The following PLCE1 variants were observed in gnomAD, a reference collection of about 807,000 sequenced individuals.
PLCE1 encodes 1-phosphatidylinositol 4,5-bisphosphate phosphodiesterase epsilon-1.
PLCE1 carries 119 observed loss-of-function variants against 242.8 expected under a neutral mutation model. That is an observed-to-expected ratio of 0.49 (90% CI 0.42 to 0.57). The LOEUF (loss-of-function observed/expected upper bound fraction) is 0.57. Ranked by LOEUF, PLCE1 falls within the 20% of genes least tolerant of loss-of-function variation. The pLI, the probability that PLCE1 is intolerant of heterozygous loss-of-function variation, is 0.00. For missense variants in PLCE1, 2,441 were observed against 2,788.8 expected, an observed-to-expected ratio of 0.88 and a Z score of 2.81; for synonymous variants, 945 against 1,017.4, an observed-to-expected ratio of 0.93 and a Z score of 1.35.
chr10:94,319,765 T>A (rs2053712022), intron 29 of PLCE1, among the ~76,000 whole-genome samples: 1 of 151,912 alleles, frequency 6.6e-6, no homozygotes. Flanking sequence ...AAAAGGGATA[T>A]AAGTGAGGGC....
Position 94,262,654 on chromosome 10 carries a change from C to T in PLCE1, c.3975C>T (p.Gly1325=). The T allele has an allele frequency of 6.2e-7, 1 of 1,614,046 alleles. No individual in the cohort carries two copies. Among genetic ancestry groups the T allele is most frequent in the Non-Finnish European group, 8.5e-7 (1 of 1,179,956 alleles). Residue 1325 remains glycine, a synonymous_variant, in exon 14 of 33, where the codon GGC becomes GGT. Coordinates refer to ENST00000371380, the MANE Select transcript of PLCE1 (RefSeq NM_016341.4). ...ESTSLGIFGV[G]ILQLNDFLVN... ...CATCTCTGGGCATTTTTGGGGTGGGCATACTTCAGCTCAACGATTTCCTCG... is the reference window on the plus strand; with the variant it reads ...CATCTCTGGGCATTTTTGGGGTGGGTATACTTCAGCTCAACGATTTCCTCG...
chr10:94,324,798 G>T, intron 31 of PLCE1, 94 bp from the exon 32 acceptor site: 1 of 1,292,842 alleles, frequency 7.7e-7, no homozygotes, highest in Non-Finnish European at 1.1e-6. Flanking sequence ...CAAAGCTCTA[G>T]AGAGAAGAGG....
chr10:94,284,477 G>T (rs1000805745), intron 21 of PLCE1, among the ~76,000 whole-genome samples: 1 of 152,208 alleles, frequency 6.6e-6, no homozygotes, highest in Non-Finnish European at 1.5e-5. Flanking sequence ...ACAGTTTATA[G>T]ACTCTGAGCA....
chr10:94,112,021 T>C (rs2045971789), intron 2 of PLCE1, among the ~76,000 whole-genome samples: 1 of 152,230 alleles, frequency 6.6e-6, no homozygotes, highest in Admixed American at 6.5e-5. Flanking sequence ...TATGACAATC[T>C]ACTTTATGAC....
chr10:94,034,109 G>A (rs2061617353), intron 2 of PLCE1, among the ~76,000 whole-genome samples: 1 of 151,990 alleles, frequency 6.6e-6, no homozygotes, highest in African/African-American at 2.4e-5. Flanking sequence ...TCATGTGCAG[G>A]GGAACACCCA....
At chr10:94,009,918 C>T (rs900551617) in intron 1 of PLCE1, among the ~76,000 whole-genome samples, 1 of 152,230 alleles carries the variant, frequency 6.6e-6, no homozygotes, top group Non-Finnish European at 1.5e-5. Flanking sequence ...CTCTACCATT[C>T]TGGGGTCTGG....
intron 4 of PLCE1, among the ~76,000 whole-genome samples, chr10:94,197,728 A>C (rs573668239): frequency 6.6e-6 from 1 of 152,306 alleles, no homozygotes; most frequent in African/African-American, 2.4e-5. Flanking sequence ...CACGCCTGTA[A>C]TCCCAGCACT....
chr10:93,996,179 A>C (rs2060817587), intron 1 of PLCE1, among the ~76,000 whole-genome samples: 1 of 152,210 alleles, frequency 6.6e-6, no homozygotes, highest in African/African-American at 2.4e-5. Flanking sequence ...GCGCCTATAT[A>C]GGACAGTTGC....
At chr10:94,077,558 G>C (rs1168390728) in intron 2 of PLCE1, among the ~76,000 whole-genome samples, 1 of 152,146 alleles carries the variant, frequency 6.6e-6, no homozygotes. Flanking sequence ...CTAGCAGTTT[G>C]AGACCAGTCC....
intron 4 of PLCE1, among the ~76,000 whole-genome samples, chr10:94,185,545 T>C (rs1328393606): frequency 6.6e-6 from 1 of 152,222 alleles, no homozygotes; most frequent in African/African-American, 2.4e-5. Context: ...TGCCACTTAC[T>C]GTGGGACCCT....
At chr10:94,007,856 T>C (rs961969062) in intron 1 of PLCE1, among the ~76,000 whole-genome samples, 1 of 151,768 alleles carries the variant, frequency 6.6e-6, no homozygotes, top group African/African-American at 2.4e-5. Context: ...AATGAGTTCA[T>C]ACTATGTTTT....
chr10:94,193,641 C>T (rs893024445), intron 4 of PLCE1, among the ~76,000 whole-genome samples: 26 of 152,148 alleles, frequency 1.7e-4, no homozygotes, highest in Non-Finnish European at 2.6e-4. Context: ...AAAGTGAGCA[C>T]TTGCTGATTT....
chr10:94,062,226 A>T (rs145266956), intron 2 of PLCE1, among the ~76,000 whole-genome samples: 28 of 152,320 alleles, frequency 1.8e-4, no homozygotes, highest in African/African-American at 5.1e-4. Context: ...GACTTCACAC[A>T]GTTATCTAAC....
At chr10:94,147,707 G>A (rs1471709718) in intron 3 of PLCE1, among the ~76,000 whole-genome samples, 2 of 152,150 alleles carry the variant, frequency 1.3e-5, no homozygotes, top group Non-Finnish European at 2.9e-5. Flanking sequence ...AAAGCACAGA[G>A]CAGCTAAGAA....
intron 9 of PLCE1, among the ~76,000 whole-genome samples, chr10:94,252,743 C>T (rs970372398): frequency 3.3e-5 from 5 of 152,050 alleles, no homozygotes; most frequent in Admixed American, 6.6e-5. Flanking sequence ...AAAGAGACAT[C>T]GTTGAGTCAC....
chr10:94,274,127 CG>C (rs2051854533), intron 19 of PLCE1, among the ~76,000 whole-genome samples: 1 of 151,984 alleles, frequency 6.6e-6, no homozygotes, highest in Non-Finnish European at 1.5e-5. Flanking sequence ...GTGATCCCAG[CG>C]TATCACTAGT....
chr10:94,150,565 T>C (rs1052890654), intron 3 of PLCE1, among the ~76,000 whole-genome samples: 2 of 152,226 alleles, frequency 1.3e-5, no homozygotes, highest in Non-Finnish European at 2.9e-5. Context: ...GGGAAATTCA[T>C]TTCTGCTATC....
At chr10:94,308,367 A>C (rs2053275002) in intron 26 of PLCE1, among the ~76,000 whole-genome samples, 1 of 152,110 alleles carries the variant, frequency 6.6e-6, no homozygotes, top group East Asian at 1.9e-4. Context: ...TTTCTGTTTG[A>C]GTCTAAGTTG....
At chr10:94,327,517 C>A (rs1403276077) in intron 32 of PLCE1, among the ~76,000 whole-genome samples, 2 of 152,082 alleles carry the variant, frequency 1.3e-5, no homozygotes, top group African/African-American at 2.4e-5. Context: ...AGCAGTCCAG[C>A]CAGACAAGAG....
Sources: allele counts gnomAD v4.1 joint callset (sites outside exome capture counted in the v4.1 genomes callset), GRCh38; gene constraint gnomAD v4.1.1; transcripts MANE v1.5; gene names NCBI Gene and HGNC (gene_info 2026-07-23, HGNC 2026-07-21).